Variants in OPRM1 observed in about 807,000 individuals in gnomAD.
OPRM1 encodes opioid receptor mu 1.
In OPRM1, 27 loss-of-function variants were observed where a neutral mutation model predicts 31.8. The ratio of observed to expected loss-of-function variants is 0.85; its 90% CI spans 0.63 to 1.17. OPRM1 has a LOEUF of 1.17. Ranked by LOEUF, OPRM1 falls within the 50% of genes most tolerant of loss-of-function variation. OPRM1 has a pLI of 0.00. For synonymous variants in OPRM1, 196 were observed against 189.9 expected (o/e 1.03, Z -0.26); for missense variants, 536 against 511.1 (o/e 1.05, Z -0.47).
At chr6:154,167,138 A>G (rs1002462293) in intron 3 of OPRM1, among the ~76,000 whole-genome samples, 17 of 152,230 alleles carry the variant, frequency 1.1e-4, no homozygotes, top group Non-Finnish European at 2.9e-5. Context: ...ACAAAACAAA[A>G]TTCACTTACA....
chr6:154,196,603 G>A (rs538168444), intron 3 of OPRM1, among the ~76,000 whole-genome samples: 1 of 152,292 alleles, frequency 6.6e-6, no homozygotes, highest in South Asian at 2.1e-4. Context: ...TTGTCAGCAG[G>A]TAGTGTGTGT....
intron 3 of OPRM1, among the ~76,000 whole-genome samples, chr6:154,170,442 T>C (rs73789360): frequency 0.038 from 5,819 of 152,328 alleles, 354 homozygotes; most frequent in African/African-American, 0.13. Flanking sequence ...GAAACCTTTA[T>C]GCAAGAATTA....
intron 1 of OPRM1, among the ~76,000 whole-genome samples, chr6:154,014,056 T>A (rs1427285930): frequency 1.3e-5 from 2 of 152,138 alleles, no homozygotes; most frequent in Non-Finnish European, 2.9e-5. Flanking sequence ...GCATCTACCA[T>A]GGCGTGGATG....
intron 3 of OPRM1, among the ~76,000 whole-genome samples, chr6:154,208,913 C>T (rs1777725420): frequency 1.3e-5 from 2 of 152,186 alleles, no homozygotes; most frequent in Admixed American, 6.5e-5. Context: ...AAAAGCTGCC[C>T]ACTTGCAACT....
intron 3 of OPRM1, among the ~76,000 whole-genome samples, chr6:154,225,557 A>C (rs945419481): frequency 3.3e-5 from 5 of 152,218 alleles, no homozygotes; most frequent in Non-Finnish European, 7.4e-5. Context: ...GAGAGACAGA[A>C]CACAGCTAAT....
chr6:154,220,963 C>T (rs1490910461), intron 3 of OPRM1, among the ~76,000 whole-genome samples: 2 of 152,226 alleles, frequency 1.3e-5, no homozygotes, highest in African/African-American at 4.8e-5. Flanking sequence ...TTTCAAGCCT[C>T]TCTCCTTGTG....
intron 3 of OPRM1, among the ~76,000 whole-genome samples, chr6:154,188,806 T>C (rs1244933107): frequency 6.6e-6 from 1 of 152,172 alleles, no homozygotes; most frequent in African/African-American, 2.4e-5. Flanking sequence ...AAATTATATT[T>C]GCATATGGAG....
intron 1 of OPRM1, among the ~76,000 whole-genome samples, chr6:154,068,668 G>A (rs1562422920): frequency 6.6e-6 from 1 of 152,044 alleles, no homozygotes; most frequent in Admixed American, 6.6e-5. Flanking sequence ...AATAAACATG[G>A]GAACGTAGCT....
At position 154,087,248 on chromosome 6, in the gene OPRM1, A is replaced by G. The variant is rs903766963; in HGVS notation, c.291-2578A>G. 10 of 985,424 alleles carry G rather than the reference A, an allele frequency of 1.0e-5. 1 individual carries two copies. The highest frequency in any genetic ancestry group is 9.4e-5 in the South Asian group (2 of 21,290). The allele number at this position is 985,424 out of a possible 1,614,324, so 61.0% of individuals were successfully genotyped here. A position where few individuals can be genotyped will look rare whatever the true frequency, so the allele number is the denominator to read the frequency against. ...AAAGCTTCAGTAACAAAGCTGTCCT[A>G]TTGACCCTGAGGAGATTTATGAAAT... is the stretch of plus-strand genomic sequence containing the variant. On this transcript the variant is annotated intron_variant, in intron 1 of 3. Coordinates refer to ENST00000330432, the MANE Select transcript of OPRM1 (RefSeq NM_000914.5).
chr6:154,107,666 C>A (rs367642071), intron 3 of OPRM1: 1 of 718,304 alleles, frequency 1.4e-6, no homozygotes, highest in African/African-American at 1.7e-5. Context: ...AAGGTGGAGA[C>A]CAAGAGAAGG....
At chr6:154,184,924 A>G (rs994446564) in intron 3 of OPRM1, among the ~76,000 whole-genome samples, 4 of 152,070 alleles carry the variant, frequency 2.6e-5, no homozygotes, top group African/African-American at 9.7e-5. Context: ...AATGTGTCAC[A>G]AGAAACAAAC....
At chr6:154,037,265 T>C (rs1779360788), upstream of OPRM1, among the ~76,000 whole-genome samples, 1 of 151,856 alleles carries the variant, frequency 6.6e-6, no homozygotes, top group Non-Finnish European at 1.5e-5. Context: ...AGATCTTTAG[T>C]ATTTGTGGAA....
chr6:154,072,616 A>T (rs547411410), intron 1 of OPRM1, among the ~76,000 whole-genome samples: 21 of 152,356 alleles, frequency 1.4e-4, no homozygotes, highest in African/African-American at 5.0e-4. Context: ...TAAAGCAATA[A>T]ATCAATGGAC....
intron 1 of OPRM1, among the ~76,000 whole-genome samples, chr6:154,048,385 A>G (rs1781564482): frequency 2.0e-5 from 3 of 152,106 alleles, no homozygotes; most frequent in African/African-American, 7.2e-5. Context: ...ATCCTTTCTT[A>G]CAGCCTCTCC....
chr6:154,036,702 G>A (rs369904649), upstream of OPRM1, among the ~76,000 whole-genome samples: 38 of 151,794 alleles, frequency 2.5e-4, no homozygotes, highest in African/African-American at 8.7e-4. Context: ...TTTTCAAACT[G>A]TGTCATTAAA....
intron 1 of OPRM1, among the ~76,000 whole-genome samples, chr6:154,018,944 A>G (rs1293570174): frequency 2.0e-5 from 3 of 151,484 alleles, no homozygotes; most frequent in African/African-American, 7.3e-5. Context: ...TTTCTTAACA[A>G]TATTACTTTT....
intron 3 of OPRM1, among the ~76,000 whole-genome samples, chr6:154,180,347 CAT>C (rs143058126): frequency 1.4e-5 from 2 of 142,092 alleles, no homozygotes; most frequent in Non-Finnish European, 3.1e-5. Context: ...AGAAAGGAGA[CAT>C]ATATATATAT....
chr6:154,216,574 C>T (rs989547823), intron 3 of OPRM1, among the ~76,000 whole-genome samples: 3 of 152,114 alleles, frequency 2.0e-5, no homozygotes, highest in Non-Finnish European at 4.4e-5. Context: ...TATAATTTTA[C>T]TGTTTAAAGT....
At chr6:154,094,556 C>T (rs1463350774) in intron 3 of OPRM1, among the ~76,000 whole-genome samples, 3 of 152,162 alleles carry the variant, frequency 2.0e-5, no homozygotes, top group Admixed American at 6.5e-5. Flanking sequence ...GCCCGATGGG[C>T]GGGTGGTCAG....
Sources: gnomAD v4.1 joint callset for allele counts (sites outside exome capture counted in the v4.1 genomes callset) on GRCh38, gnomAD v4.1.1 for gene constraint, MANE v1.5 for transcripts, NCBI Gene and HGNC (gene_info 2026-07-23, HGNC 2026-07-21) for gene names.